FAM89A: variants seen among roughly 807,000 people sequenced by gnomAD.
FAM89A encodes family with sequence similarity 89 member A.
In FAM89A, 10 loss-of-function variants were observed where a neutral mutation model predicts 7.1. The ratio of observed to expected loss-of-function variants is 1.40; its 90% CI spans 0.86 to 2.38. The LOEUF is 2.38. FAM89A is among the 30% of genes most tolerant of loss of function. The probability of loss-of-function intolerance (pLI) is 0.00; values close to 1 mark genes in which losing one functional copy is unlikely to be tolerated. For missense variants in FAM89A, 276 were observed against 262.8 expected (o/e 1.05, Z -0.35); for synonymous variants, 157 against 129.3 (o/e 1.21, Z -1.45).
intron 1 of FAM89A, among the ~76,000 whole-genome samples, chr1:231,024,228 C>T (rs1322995566): frequency 3.3e-5 from 5 of 150,946 alleles, no homozygotes; most frequent in East Asian, 1.9e-4. Flanking sequence ...TGCATGGGTA[C>T]GCGCATGTAG....
At chr1:231,023,982 TC>T (rs1376498960) in intron 1 of FAM89A, among the ~76,000 whole-genome samples, 2 of 152,356 alleles carry the variant, frequency 1.3e-5, no homozygotes, top group Non-Finnish European at 2.9e-5. Flanking sequence ...GTGTACTTCG[TC>T]CTAAATTAAA....
chr1:231,020,203 G>A (rs76052102), intron 1 of FAM89A, 77 bp from the exon 2 acceptor site: 24,336 of 1,413,288 alleles, frequency 0.017, 233 homozygotes, highest in African/African-American at 0.021. Flanking sequence ...CTCAGCCGGC[G>A]ATCTGCGCCT....
intron 1 of FAM89A, among the ~76,000 whole-genome samples, chr1:231,035,375 T>C (rs1234464899): frequency 2.6e-5 from 4 of 152,120 alleles, no homozygotes; most frequent in Non-Finnish European, 4.4e-5. Context: ...ACTGATAGTT[T>C]AAAGAAAAAA....
In FAM89A at chr1:231,020,066, T is replaced by A. The variant is rs369821468; in HGVS notation, c.352A>T (p.Ile118Phe). 9 of 1,613,882 alleles carry A rather than the reference T, an allele frequency of 5.6e-6. No individual in the cohort carries two copies. The highest frequency in any genetic ancestry group is 7.6e-6 in the Non-Finnish European group (9 of 1,180,028). ...TGGCATGCCCCCTTGTACTCCTGAATCGACTCGTAGAGGCTGTACAGTTGG... is the reference window on the plus strand; with the variant it reads ...TGGCATGCCCCCTTGTACTCCTGAAACGACTCGTAGAGGCTGTACAGTTGG... Reference protein sequence around the residue: ...LCQLYSLYESIQEYKGACQAA... With the variant: ...LCQLYSLYESFQEYKGACQAA... The change falls in exon 2 of 2, where the codon ATT becomes TTT. Residue 118 changes from isoleucine to phenylalanine, a missense_variant. Coordinates refer to ENST00000366654, the MANE Select transcript of FAM89A (RefSeq NM_198552.3).
At chr1:231,032,881 G>A (rs182670342) in intron 1 of FAM89A, among the ~76,000 whole-genome samples, 1 of 152,262 alleles carries the variant, frequency 6.6e-6, no homozygotes, top group Non-Finnish European at 1.5e-5. Flanking sequence ...CCCTCCACTG[G>A]TCAAAGATGG....
intron 1 of FAM89A, among the ~76,000 whole-genome samples, chr1:231,023,840 A>T (rs898551197): frequency 6.6e-6 from 1 of 152,164 alleles, no homozygotes; most frequent in Non-Finnish European, 1.5e-5. Flanking sequence ...GCATCACGGG[A>T]ATGTCACAAT....
intron 1 of FAM89A, chr1:231,026,127 T>C (rs1192072558): frequency 6.5e-6 from 1 of 153,658 alleles, no homozygotes; most frequent in Non-Finnish European, 1.5e-5. Flanking sequence ...ATTTCCATGG[T>C]TTCTTTTCCA....
In FAM89A at chr1:231,032,121, A is replaced by G. The variant is rs147853834; in HGVS notation, c.291+7800T>C. Among the ~76,000 whole-genome samples, 1,497 of 152,358 alleles carry G rather than the reference A, an allele frequency of 9.8e-3. 11 individuals are homozygous for G. The highest frequency in any genetic ancestry group is 0.034 in the Middle Eastern group (10 of 294). On this transcript the variant is annotated intron_variant, in intron 1 of 1. Transcript: ENST00000366654. ...TTATGTCTGTATTGGTATAAGAAAG[A>G]GTCAATAATTGGCTTTAGCTGTATG...
rs774117034 is a variant in FAM89A, at chr1:231,039,994, C to A, written c.218G>T (p.Gly73Val). 1.4e-6 allele frequency: 2 copies of A among 1,386,640 alleles called. No homozygotes were observed. Among genetic ancestry groups the A allele is most frequent in the Non-Finnish European group, 1.9e-6 (2 of 1,077,160 alleles). The allele number at this position is 1,386,640 out of a possible 1,614,324, so 85.9% of individuals were successfully genotyped here. Residue 73 changes from glycine to valine, a missense_variant, in exon 1 of 2, where the codon GGG becomes GTG. Physicochemically the swap from Gly to Val is moderately radical, Grantham distance 109. Transcript: ENST00000366654. The stretch of plus-strand genomic sequence containing the variant: ...GGCGGGCAGCGCTGCCGCCCGGGCC[C>A]CGCCGCCGCCCGGGCCCCCGCGGCT... ...ELSRGGPGGG[G>V]ARAAALPAKP...
intron 1 of FAM89A, among the ~76,000 whole-genome samples, chr1:231,037,607 C>T (rs1680179010): frequency 6.6e-6 from 1 of 152,202 alleles, no homozygotes; most frequent in Non-Finnish European, 1.5e-5. Context: ...TTCATTTCTT[C>T]AAAGTCCAAC....
intron 1 of FAM89A, among the ~76,000 whole-genome samples, chr1:231,031,781 T>G (rs1160664293): frequency 6.6e-6 from 1 of 152,250 alleles, no homozygotes; most frequent in African/African-American, 2.4e-5. Flanking sequence ...TGTGAACATC[T>G]TTCTATATAC....
chr1:231,037,314 A>G (rs966465239), intron 1 of FAM89A, among the ~76,000 whole-genome samples: 3 of 152,220 alleles, frequency 2.0e-5, no homozygotes, highest in African/African-American at 7.2e-5. Context: ...CAAAATACTA[A>G]AAGTGATTAT....
chr1:231,039,236 CGAA>C (rs368996502), intron 1 of FAM89A, among the ~76,000 whole-genome samples: 69 of 152,350 alleles, frequency 4.5e-4, no homozygotes, highest in African/African-American at 1.6e-3. Flanking sequence ...AGACACAAGG[CGAA>C]GAACTCACAT....
At position 231,032,903 on chromosome 1, in the gene FAM89A, C is replaced by T. The variant is rs373747823; in HGVS notation, c.291+7018G>A. ...CTGGTCAAAGATGGTGCCTCCCTCC[C>T]GAATCCTTGAGACTCAGAAAGCGCA... On this transcript the variant is annotated intron_variant, in intron 1 of 1. Transcript: ENST00000366654. Among the ~76,000 whole-genome samples the T allele has an allele frequency of 1.2e-3, 186 of 152,318 alleles. 4 individuals carry two copies. In the South Asian group the frequency reaches 0.036, roughly 30 times the overall value.
intron 1 of FAM89A, among the ~76,000 whole-genome samples, chr1:231,039,645 C>A (rs1167215745): frequency 6.6e-6 from 1 of 152,192 alleles, no homozygotes; most frequent in South Asian, 2.1e-4. Context: ...CGCTTCCGGG[C>A]GCCCAGGTTT....
intron 1 of FAM89A, among the ~76,000 whole-genome samples, chr1:231,020,715 T>G (rs1263686928): frequency 1.3e-5 from 2 of 152,150 alleles, no homozygotes; most frequent in Non-Finnish European, 2.9e-5. Flanking sequence ...CAGATGGTTC[T>G]GGGATCCCTC....
At position 231,040,104 on chromosome 1, in the gene FAM89A, G is replaced by C. The variant is rs1572360315; in HGVS notation, c.108C>G (p.His36Gln). 1 of 1,433,060 alleles carries C rather than the reference G, an allele frequency of 7.0e-7. No individual in the cohort carries two copies. Among genetic ancestry groups the C allele is most frequent in the East Asian group, 3.1e-5 (1 of 32,280 alleles). 88.8% of individuals were successfully genotyped at this position (1,433,060 alleles called of 1,614,324 possible). A position where few individuals can be genotyped will look rare whatever the true frequency, so the allele number is the denominator to read the frequency against. Residue 36 changes from histidine (H) to glutamine (Q), a missense_variant, in exon 1 of 2, where the codon CAC becomes CAG. Coordinates refer to ENST00000366654, the MANE Select transcript of FAM89A (RefSeq NM_198552.3). ...PLPKSLSGLL[H>Q]SASGGGASGG... ...CAGACGCGCCGCCGCCCGACGCCGA[G>C]TGCAGCAGCCCGCTCAAGCTCTTTG...
At chr1:231,021,581 G>A (rs146755008) in intron 1 of FAM89A, 50 of 1,299,744 alleles carry the variant, frequency 3.8e-5, no homozygotes, top group Non-Finnish European at 3.3e-6. Flanking sequence ...TTCCTTTTCT[G>A]TTAGGAAACG....
intron 1 of FAM89A, among the ~76,000 whole-genome samples, chr1:231,023,608 C>G (rs1174320371): frequency 2.6e-5 from 4 of 152,230 alleles, no homozygotes; most frequent in Non-Finnish European, 5.9e-5. Context: ...ACAGAATTCA[C>G]TTTAGACGGG....
Sources: allele counts gnomAD v4.1 joint callset (sites outside exome capture counted in the v4.1 genomes callset), GRCh38; gene constraint gnomAD v4.1.1; transcripts MANE v1.5; gene names NCBI Gene and HGNC (gene_info 2026-07-23, HGNC 2026-07-21).